AOX1: variants seen among roughly 807,000 people sequenced by gnomAD.
AOX1 encodes aldehyde oxidase 1, also known as aldehyde oxidase.
AOX1 carries 153 observed loss-of-function variants against 169.5 expected under a neutral mutation model. The ratio of observed to expected loss-of-function variants is 0.90; its 90% CI spans 0.79 to 1.03. AOX1 has a LOEUF of 1.03. Among genes scored for constraint, AOX1 ranks in the 50% least tolerant of loss-of-function variants. AOX1 has a pLI of 0.00. For missense variants in AOX1, 1,656 were observed against 1,663.9 expected, an observed-to-expected ratio of 1.00 and a Z score of 0.08; for synonymous variants, 562 against 581.9, an observed-to-expected ratio of 0.97 and a Z score of 0.49.
chr2:200,628,178 TACACACACACATAC>T (rs747626573), intron 20 of AOX1, among the ~76,000 whole-genome samples: 110 of 152,026 alleles, frequency 7.2e-4, no homozygotes, highest in Non-Finnish European at 1.4e-3. Context: ...TCCCCAATTA[TACACACACACATAC>T]ACACACACAC....
intron 5 of AOX1, 29 bp from the exon 6 acceptor site, chr2:200,602,255 G>A (rs1040757590): frequency 6.2e-7 from 1 of 1,609,586 alleles, no homozygotes; most frequent in Non-Finnish European, 8.5e-7. Flanking sequence ...GGGTCACTTG[G>A]CTAACAGAGC....
In AOX1 at chr2:200,653,482, T is replaced by C. The variant is rs909281412; in HGVS notation, c.3075+2281T>C. On this transcript the variant is annotated intron_variant, in intron 26 of 34. Transcript: ENST00000374700. ...CTCATCTCTATCAGGTAGGTATGAA[T>C]CTCTCTATTTCACAGAAGGGGAAAC... 3.9e-5 allele frequency among the ~76,000 whole-genome samples: 6 copies of C among 152,318 alleles called. No individual in the cohort carries two copies. In the South Asian group the frequency reaches 1.0e-3, roughly 26 times the overall value.
rs79594747 is a variant in AOX1, at chr2:200,626,098, T to A, written c.2125-1255T>A. Among the ~76,000 whole-genome samples, 161 of 152,278 alleles carry A rather than the reference T, an allele frequency of 1.1e-3. 1 individual carries two copies. The East Asian group carries it at 0.013, about 12-fold the overall frequency. ...TGTGGTCAACATGGTTCTAGGTCAG[T>A]TTCACACATTAACTTACTAAATGCT... On this transcript the variant is annotated intron_variant, in intron 19 of 34. Transcript: ENST00000374700.
chr2:200,598,922 T>A (rs1222024707), intron 4 of AOX1, among the ~76,000 whole-genome samples: 1 of 152,114 alleles, frequency 6.6e-6, no homozygotes, highest in Non-Finnish European at 1.5e-5. Context: ...GGGAGAGAAT[T>A]TTGCCTGGAT....
downstream of AOX1, among the ~76,000 whole-genome samples, chr2:200,676,095 G>A (rs549284557): frequency 2.4e-4 from 36 of 152,016 alleles, no homozygotes; most frequent in Middle Eastern, 3.4e-3. Context: ...TTTCCTTTGC[G>A]AAGTAAACAC....
chr2:200,604,891 G>T, intron 9 of AOX1, 51 bp downstream of exon 9: 1 of 1,523,242 alleles, frequency 6.6e-7, no homozygotes, highest in East Asian at 2.3e-5. Context: ...AAAAGGGCTT[G>T]GGATGGGGCC....
chr2:200,623,539 G>C (rs974381236), intron 18 of AOX1, among the ~76,000 whole-genome samples: 2 of 152,218 alleles, frequency 1.3e-5, no homozygotes, highest in African/African-American at 4.8e-5. Context: ...TCTGATTGTC[G>C]TGTGACAGCC....
chr2:200,638,227 A>G lies in AOX1; in HGVS notation c.2493A>G (p.Ala831=). Residue 831 remains alanine, a synonymous_variant, in exon 23 of 35, where the codon GCA becomes GCG. Coordinates refer to ENST00000374700, the MANE Select transcript of AOX1 (RefSeq NM_001159.4). ...TAFAANKHGR[A]VRCVLERGED... ...TTTTCTGTTTTAGACATGGCCGTGC[A>G]GTTCGCTGTGTTCTGGAACGAGGAG... 6.2e-7 allele frequency: 1 copy of G among 1,613,626 alleles called. No individual in the cohort carries two copies. Among genetic ancestry groups the G allele is most frequent in the Non-Finnish European group, 8.5e-7 (1 of 1,179,632 alleles).
At chr2:200,664,752 A>G (rs1374466913) in intron 31 of AOX1, among the ~76,000 whole-genome samples, 1 of 152,220 alleles carries the variant, frequency 6.6e-6, no homozygotes, top group Non-Finnish European at 1.5e-5. Context: ...TCCTGTTGAT[A>G]GACTTGCCCT....
Position 200,620,731 on chromosome 2 carries a change from G to A in AOX1, c.1786G>A (p.Glu596Lys). The A allele has an allele frequency of 1.2e-6, 2 of 1,606,176 alleles. No individual in the cohort carries two copies. The highest frequency in any genetic ancestry group is 1.7e-6 in the Non-Finnish European group (2 of 1,177,396). ...HLSGVKHATG[E>K]AIYCDDMPLV... is the part of the protein sequence containing the mutation. ...GTCTGGTGTGAAGCATGCCACGGGG[G>A]AGGCCATCTACTGTGATGACATGCC... The change falls in exon 17 of 35, where the codon GAG becomes AAG. Residue 596 changes from glutamate (E) to lysine (K), a missense_variant. By Grantham distance (56) the Glu-to-Lys change is moderately conservative (BLOSUM62 1). Coordinates refer to ENST00000374700, the MANE Select transcript of AOX1 (RefSeq NM_001159.4).
At chr2:200,609,523 A>G in intron 12 of AOX1, 109 bp downstream of exon 12, 1 of 870,898 alleles carries the variant, frequency 1.1e-6, no homozygotes, top group Non-Finnish European at 1.9e-6. Flanking sequence ...TATAATATCA[A>G]TACATTTCTC....
rs1431563709 is a variant in AOX1, at chr2:200,604,859, A to AT, written c.814+25dup. 7.0e-6 allele frequency: 9 copies of AT among 1,292,914 alleles called. No homozygotes were observed. Among genetic ancestry groups the AT allele is most frequent in the East Asian group, 3.8e-5 (1 of 26,250 alleles). The allele number at this position is 1,292,914 out of a possible 1,614,324, so 80.1% of individuals were successfully genotyped here. A position where few individuals can be genotyped will look rare whatever the true frequency, so the allele number is the denominator to read the frequency against. ...TCTGTGGGTATGTAGAACCCCAGGG[A>AT]TTTTTTATAGGGAAATTGAGAAAAA... is the stretch of plus-strand genomic sequence containing the variant. On this transcript the variant is annotated intron_variant, in intron 9 of 34. Transcript: ENST00000374700.
At chr2:200,623,482 T>A (rs1677176375) in intron 18 of AOX1, among the ~76,000 whole-genome samples, 1 of 152,240 alleles carries the variant, frequency 6.6e-6, no homozygotes, top group Admixed American at 6.5e-5. Context: ...TGTGACTTCC[T>A]GGTCCTCCCT....
intron 18 of AOX1, among the ~76,000 whole-genome samples, chr2:200,622,174 A>G (rs960848383): frequency 6.6e-6 from 1 of 152,220 alleles, no homozygotes; most frequent in East Asian, 1.9e-4. Context: ...ACCTTTATGT[A>G]CTTTCTACCT....
chr2:200,674,334 C>T (rs113191772), downstream of AOX1, among the ~76,000 whole-genome samples: 1,768 of 152,002 alleles, frequency 0.012, 37 homozygotes, highest in African/African-American at 0.04. Flanking sequence ...GGGGAGCACA[C>T]TGATTATCCA....
chr2:200,613,758 G>A (rs771367300), intron 14 of AOX1, 46 bp from the exon 15 acceptor site: 1 of 1,570,742 alleles, frequency 6.4e-7, no homozygotes, highest in East Asian at 2.3e-5. Flanking sequence ...AAGATATGGG[G>A]TAATAAACCC....
intron 13 of AOX1, among the ~76,000 whole-genome samples, chr2:200,611,707 A>ATT (rs56096001): frequency 2.4e-3 from 350 of 144,394 alleles, no homozygotes; most frequent in African/African-American, 6.1e-3. Context: ...GAATTAGGAG[A>ATT]TTTTTTTTTT....
intron 20 of AOX1, 100 bp downstream of exon 20, chr2:200,627,549 G>T (rs917893897): frequency 5.0e-6 from 4 of 807,046 alleles, no homozygotes; most frequent in African/African-American, 3.4e-5. Flanking sequence ...GCCTAGGGGG[G>T]TGTTGCTCCT....
At chr2:200,617,171 T>C (rs764952952) in intron 16 of AOX1, among the ~76,000 whole-genome samples, 12 of 152,194 alleles carry the variant, frequency 7.9e-5, no homozygotes, top group Non-Finnish European at 1.8e-4. Context: ...TGAGAGTTTA[T>C]CATTGATTGC....
Sources: gnomAD v4.1 joint callset for allele counts (sites outside exome capture counted in the v4.1 genomes callset) on GRCh38, gnomAD v4.1.1 for gene constraint, MANE v1.5 for transcripts, NCBI Gene and HGNC (gene_info 2026-07-23, HGNC 2026-07-21) for gene names.